Variants in CEP63 observed in about 807,000 individuals in gnomAD.
CEP63 encodes the protein centrosomal protein 63, also known as centrosomal protein of 63 kDa.
In CEP63, 84 loss-of-function variants were observed where a neutral mutation model predicts 89.1. The observed-to-expected ratio is 0.94, with a 90% CI of 0.79 to 1.13. The LOEUF is 1.13. Ranked by LOEUF, CEP63 falls within the 50% of genes most tolerant of loss-of-function variation. The probability of loss-of-function intolerance (pLI) is 0.00; values close to 1 mark genes in which losing one functional copy is unlikely to be tolerated. For missense variants in CEP63, 838 were observed against 813.3 expected, an observed-to-expected ratio of 1.03 and a Z score of -0.37; for synonymous variants, 267 against 272.5, an observed-to-expected ratio of 0.98 and a Z score of 0.20.
At chr3:134,619,697 T>C in the CEP63 span, among the ~76,000 whole-genome samples, 1 of 152,220 alleles carries the variant, frequency 6.6e-6, no homozygotes, top group Non-Finnish European at 1.5e-5. Flanking sequence ...AGCCTGTCAC[T>C]TCACTAAGGA....
rs1053274734 is a variant in CEP63, at chr3:134,564,953, C to T, written c.*3418C>T. ...AATGGGTTGTCCAAATTTGTCAGAA[C>T]ATTTGACTGTAATTTAATGTCTCAC... On this transcript the variant is annotated 3_prime_UTR_variant, in exon 15 of 15. Transcript: ENST00000675561. 1.0e-6 allele frequency: 1 copy of T among 980,114 alleles called. No homozygotes were observed. Among genetic ancestry groups the T allele is most frequent in the Non-Finnish European group, 1.2e-6 (1 of 825,040 alleles). The allele number at this position is 980,114 out of a possible 1,614,324, so 60.7% of individuals were successfully genotyped here.
At chr3:134,665,702 C>CACACACACACAGAGAGAG in the CEP63 span, among the ~76,000 whole-genome samples, 11 of 102,384 alleles carry the variant, frequency 1.1e-4, no homozygotes, top group African/African-American at 3.6e-4. Flanking sequence ...CACACACACA[C>CACACACACACAGAGAGAG]AGAGAGAGAG....
chr3:134,630,455 G>A, the CEP63 span, among the ~76,000 whole-genome samples: 1 of 152,198 alleles, frequency 6.6e-6, no homozygotes, highest in African/African-American at 2.4e-5. Flanking sequence ...CACAGTTGTG[G>A]GGCCTATATG....
the CEP63 span, among the ~76,000 whole-genome samples, chr3:134,670,550 A>G: frequency 6.6e-6 from 1 of 152,238 alleles, no homozygotes. Context: ...AATAAATGGT[A>G]AATTCCTAAC....
chr3:134,552,707 A>G (rs1955194495), intron 12 of CEP63: 1 of 152,028 alleles, frequency 6.6e-6, no homozygotes, highest in South Asian at 2.1e-4. Context: ...TAGAAAGTAT[A>G]TTGTCTTTAA....
At chr3:134,537,519 C>A (rs942822155) in intron 6 of CEP63, among the ~76,000 whole-genome samples, 3 of 152,154 alleles carry the variant, frequency 2.0e-5, no homozygotes, top group African/African-American at 7.2e-5. Context: ...TGCCTCCTTG[C>A]TTGTTTCTGA....
intron 12 of CEP63, 79 bp downstream of exon 12, chr3:134,552,091 A>G: frequency 1.3e-6 from 1 of 775,478 alleles, no homozygotes; most frequent in Non-Finnish European, 2.2e-6. Context: ...CATTATAAAG[A>G]GAGAATTAAG....
Position 134,552,000 on chromosome 3 carries a change from G to A in CEP63, c.1455G>A (p.Leu485=). 3 of 1,591,426 alleles carry A rather than the reference G, an allele frequency of 1.9e-6. No homozygotes were observed. The highest frequency in any genetic ancestry group is 2.6e-6 in the Non-Finnish European group (3 of 1,162,166). ...HLSEMVMKLE[L]GLHEAKEISL... is the part of the protein sequence containing the mutation. The stretch of plus-strand genomic sequence containing the variant: ...CTGAAATGGTGATGAAATTGGAATT[G>A]GGTTTACATGAGGTACATAAATAGA... Residue 485 remains leucine, a synonymous_variant, in exon 12 of 15, where the codon TTG becomes TTA. Transcript: ENST00000675561.
chr3:134,757,002 T>G, the CEP63 span, among the ~76,000 whole-genome samples: 22 of 152,114 alleles, frequency 1.4e-4, no homozygotes, highest in African/African-American at 5.1e-4. Context: ...CAGATGGAAA[T>G]AGGGACCCAG....
chr3:134,530,066 G>C (rs917764188), intron 3 of CEP63, among the ~76,000 whole-genome samples: 5 of 151,436 alleles, frequency 3.3e-5, no homozygotes, highest in African/African-American at 7.3e-5. Flanking sequence ...GTAGAGATGG[G>C]GTTTCACCGT....
In CEP63 at chr3:134,549,221, G is replaced by A; in HGVS notation, c.1182+45G>A. 3 of 1,195,678 alleles carry A rather than the reference G, an allele frequency of 2.5e-6. No homozygotes were observed. The South Asian group carries it at 3.7e-5, about 15-fold the overall frequency. The allele number at this position is 1,195,678 out of a possible 1,614,324, so 74.1% of individuals were successfully genotyped here. On this transcript the variant is annotated intron_variant, in intron 10 of 14. Transcript: ENST00000675561. ...GGATTGCAAAATTGTATGTGTTTAT[G>A]GACAAAGCTGTGGATTGGGAGATTA...
At chr3:134,651,104 C>A in the CEP63 span, 1 of 1,511,682 alleles carries the variant, frequency 6.6e-7, no homozygotes. Flanking sequence ...AGCCGCAGGG[C>A]GCTGCTTTTC....
At chr3:134,491,203 G>A (rs1401486615) in intron 1 of CEP63, among the ~76,000 whole-genome samples, 2 of 152,148 alleles carry the variant, frequency 1.3e-5, no homozygotes, top group Admixed American at 6.5e-5. Flanking sequence ...GTATATGAGT[G>A]CCTGTTGTCC....
At chr3:134,497,890 C>G (rs1347189609) in intron 2 of CEP63, among the ~76,000 whole-genome samples, 4 of 151,842 alleles carry the variant, frequency 2.6e-5, no homozygotes, top group African/African-American at 9.7e-5. Flanking sequence ...GCTGTAAATA[C>G]AATTTCTGGG....
At chr3:134,527,074 A>G (rs73221343) in intron 3 of CEP63, among the ~76,000 whole-genome samples, 3 of 152,314 alleles carry the variant, frequency 2.0e-5, no homozygotes, top group Admixed American at 1.3e-4. Context: ...AGTGGGATTC[A>G]TCCTTGTTTA....
At chr3:134,507,383 C>A in intron 3 of CEP63, 97 bp downstream of exon 3, 1 of 897,534 alleles carries the variant, frequency 1.1e-6, no homozygotes. Context: ...AATTTGTATA[C>A]CAAGTTAGTT....
the CEP63 span, among the ~76,000 whole-genome samples, chr3:134,758,618 T>A: frequency 6.6e-6 from 1 of 152,190 alleles, no homozygotes; most frequent in African/African-American, 2.4e-5. Context: ...TTATTGATTA[T>A]CTCCTGATCT....
At chr3:134,488,884 G>A (rs570595831) in intron 1 of CEP63, among the ~76,000 whole-genome samples, 3 of 152,178 alleles carry the variant, frequency 2.0e-5, no homozygotes, top group African/African-American at 7.2e-5. Flanking sequence ...TAGGCTGGGC[G>A]CGGTGGCTCA....
intron 5 of CEP63, among the ~76,000 whole-genome samples, chr3:134,534,159 A>G (rs1276039905): frequency 2.6e-5 from 4 of 152,108 alleles, no homozygotes; most frequent in Admixed American, 2.0e-4. Flanking sequence ...TGATTTCAGC[A>G]CCCAGCTCAC....
Sources: allele counts gnomAD v4.1 joint callset (sites outside exome capture counted in the v4.1 genomes callset), GRCh38; gene constraint gnomAD v4.1.1; transcripts MANE v1.5; gene names NCBI Gene and HGNC (gene_info 2026-07-23, HGNC 2026-07-21).